DNAAF5: variants seen among roughly 807,000 people sequenced by gnomAD.
DNAAF5 encodes dynein axonemal assembly factor 5.
In DNAAF5, 64 loss-of-function variants were observed where a neutral mutation model predicts 75.8. That is an observed-to-expected ratio of 0.84 (90% CI 0.69 to 1.04). DNAAF5 has a LOEUF of 1.04. DNAAF5 is among the 50% of genes least tolerant of loss of function. The pLI, the probability that DNAAF5 is intolerant of heterozygous loss-of-function variation, is 0.00. For synonymous variants in DNAAF5, 657 were observed against 557.2 expected (o/e 1.18, Z -2.52); for missense variants, 1,269 against 1,178.5 (o/e 1.08, Z -1.12).
At chr7:767,245 A>G (rs1335624262) in intron 8 of DNAAF5, among the ~76,000 whole-genome samples, 1 of 150,344 alleles carries the variant, frequency 6.7e-6, no homozygotes, top group Non-Finnish European at 1.5e-5. Context: ...TCTCAAAAAA[A>G]AAAAAAAAAA....
chr7:735,578 T>A (rs1781718000), intron 2 of DNAAF5, among the ~76,000 whole-genome samples: 1 of 152,240 alleles, frequency 6.6e-6, no homozygotes, highest in Non-Finnish European at 1.5e-5. Context: ...ATGTCATTGC[T>A]CACAGTGTAG....
At chr7:751,535 T>C (rs1239567967) in intron 4 of DNAAF5, among the ~76,000 whole-genome samples, 3 of 150,476 alleles carry the variant, frequency 2.0e-5, no homozygotes, top group African/African-American at 4.9e-5. Context: ...TCCTGACATA[T>C]CATGGTTTCA....
chr7:763,576 G>A (rs757247657), intron 7 of DNAAF5, among the ~76,000 whole-genome samples: 3 of 152,210 alleles, frequency 2.0e-5, no homozygotes, highest in South Asian at 2.1e-4. Flanking sequence ...TTCATGATTC[G>A]CTGCAGAGAC....
chr7:768,945 C>T (rs964053460), intron 8 of DNAAF5: 5 of 571,732 alleles, frequency 8.7e-6, no homozygotes, highest in African/African-American at 3.7e-5. Context: ...GCCCAAGACT[C>T]GTGCTCTGGC....
chr7:784,764 C>T (rs1174556838), intron 12 of DNAAF5, among the ~76,000 whole-genome samples: 1 of 152,186 alleles, frequency 6.6e-6, no homozygotes, highest in Non-Finnish European at 1.5e-5. Flanking sequence ...ATAAGAAAGT[C>T]GCCTGTTTTT....
chr7:740,769 C>G (rs369995739), intron 2 of DNAAF5, 50 bp from the exon 3 acceptor site: 36 of 1,606,248 alleles, frequency 2.2e-5, no homozygotes, highest in Middle Eastern at 3.3e-4. Context: ...GCGTCAGCCC[C>G]GGCATCCCCT....
chr7:769,553 A>T (rs924430192), intron 8 of DNAAF5, among the ~76,000 whole-genome samples: 3 of 152,164 alleles, frequency 2.0e-5, no homozygotes, highest in Admixed American at 1.3e-4. Flanking sequence ...TGAGAAGCAG[A>T]TATTAAAGAA....
intron 12 of DNAAF5, among the ~76,000 whole-genome samples, chr7:784,659 C>T (rs984095120): frequency 6.6e-6 from 1 of 152,194 alleles, no homozygotes; most frequent in African/African-American, 2.4e-5. Flanking sequence ...ATGAACCCTC[C>T]GTAAGCATGG....
At chr7:751,837 G>A (rs1782305792) in intron 4 of DNAAF5, among the ~76,000 whole-genome samples, 1 of 152,116 alleles carries the variant, frequency 6.6e-6, no homozygotes, top group Non-Finnish European at 1.5e-5. Context: ...GCCTCGCAAA[G>A]TGCTGGGATT....
intron 4 of DNAAF5, among the ~76,000 whole-genome samples, chr7:747,309 G>A (rs780680023): frequency 4.3e-4 from 65 of 152,286 alleles, no homozygotes; most frequent in African/African-American, 1.4e-3. Flanking sequence ...TTAGTGTGTC[G>A]GTTGGTGTGC....
At chr7:752,749 C>G (rs1782347980) in intron 4 of DNAAF5, among the ~76,000 whole-genome samples, 1 of 152,260 alleles carries the variant, frequency 6.6e-6, no homozygotes, top group Admixed American at 6.5e-5. Flanking sequence ...ATGAACACTT[C>G]TGCTTTTTCA....
In DNAAF5 at chr7:775,278, G is replaced by A. The variant is rs969621182; in HGVS notation, c.2239+116G>A. On this transcript the variant is annotated intron_variant, in intron 11 of 12. Transcript: ENST00000297440. ...TCAGATCAAAACTATCTCGGGCTGG[G>A]TGTGGTGGTTCACACCTTTAATTCC... is the stretch of plus-strand genomic sequence containing the variant. 5.2e-6 allele frequency: 5 copies of A among 958,632 alleles called. No individual in the cohort carries two copies. The East Asian group carries it at 7.7e-5, about 15-fold the overall frequency. 59.4% of individuals were successfully genotyped at this position (958,632 alleles called of 1,614,324 possible).
At chr7:764,744 GT>G (rs1782768421) in intron 8 of DNAAF5, among the ~76,000 whole-genome samples, 1 of 152,058 alleles carries the variant, frequency 6.6e-6, no homozygotes, top group African/African-American at 2.4e-5. Context: ...ATTGTTCTTT[GT>G]CAGTTGCATT....
In DNAAF5 at chr7:754,579, T is replaced by C. The variant is rs1280224260; in HGVS notation, c.1025-10T>C. ...GAATTTCTCATTCTTCTTTCCCTTT[T>C]TCGTTCCAGAGCGCCGCCCTGTGCT... is the stretch of plus-strand genomic sequence containing the variant. On this transcript the variant is annotated splice_polypyrimidine_tract_variant and intron_variant, in intron 4 of 12. Coordinates refer to ENST00000297440, the MANE Select transcript of DNAAF5 (RefSeq NM_017802.4). This position sits in a 1 kb window ranked among gnomAD's most constrained non-coding sequence, Gnocchi z 4.8. The C allele has an allele frequency of 1.2e-6, 2 of 1,606,420 alleles. No individual in the cohort carries two copies. Among genetic ancestry groups the C allele is most frequent in the Admixed American group, 1.7e-5 (1 of 59,666 alleles).
chr7:742,283 C>T (rs1002872097), intron 4 of DNAAF5, among the ~76,000 whole-genome samples: 6 of 152,182 alleles, frequency 3.9e-5, no homozygotes, highest in Admixed American at 3.3e-4. Flanking sequence ...GTAGGTGAAG[C>T]GCAGCCCACA....
At chr7:782,604 A>T (rs1215573360) in intron 12 of DNAAF5, among the ~76,000 whole-genome samples, 17 of 142,394 alleles carry the variant, frequency 1.2e-4, no homozygotes, top group Admixed American at 1.1e-3. Flanking sequence ...GCGTCCCGTT[A>T]CGCAGCGTCA....
chr7:754,704 ACAGCTG>A lies in DNAAF5; in HGVS notation c.1142_1147del (p.Gln381_Leu382del). 1 of 1,613,918 alleles carries A rather than the reference ACAGCTG, an allele frequency of 6.2e-7. No homozygotes were observed. Among genetic ancestry groups the A allele is most frequent in the Middle Eastern group, 1.7e-4 (1 of 6,060 alleles). ...TGGTGGGGACCCGAGTGAAGTCGGC[ACAGCTG>A]CTCCCAGTGCTGCTGCTGCATGCCG... On this transcript the variant is annotated inframe_deletion, in exon 5 of 13. Coordinates refer to ENST00000297440, the MANE Select transcript of DNAAF5 (RefSeq NM_017802.4). The surrounding 1 kb of genome is among the most constrained non-coding windows in gnomAD (Gnocchi z 4.8).
At position 741,357 on chromosome 7, in the gene DNAAF5, G is replaced by T; in HGVS notation, c.916G>T (p.Ala306Ser). 1 of 1,588,502 alleles carries T rather than the reference G, an allele frequency of 6.3e-7. No homozygotes were observed. The highest frequency in any genetic ancestry group is 8.6e-7 in the Non-Finnish European group (1 of 1,168,810). The change falls in exon 4 of 13, where the codon GCC becomes TCC. Residue 306 changes from alanine to serine, a missense_variant. By Grantham distance (99) the Ala-to-Ser change is moderately conservative. Coordinates refer to ENST00000297440, the MANE Select transcript of DNAAF5 (RefSeq NM_017802.4). Reference sequence around the variant, plus strand: ...TCTGTTGTGCCTCAGGCAGCTGGCTGCCAGCCTCTGGGAGGACGTTGGCCT... The same window carrying T: ...TCTGTTGTGCCTCAGGCAGCTGGCTTCCAGCCTCTGGGAGGACGTTGGCCT... ...DEVPEVRQLA[A>S]SLWEDVGLQW...
intron 4 of DNAAF5, among the ~76,000 whole-genome samples, chr7:747,009 G>A (rs185756651): frequency 2.6e-5 from 4 of 152,208 alleles, no homozygotes; most frequent in East Asian, 1.9e-4. Flanking sequence ...GTTCCCTCCC[G>A]TGGATGGACC....
Sources: allele counts gnomAD v4.1 joint callset (sites outside exome capture counted in the v4.1 genomes callset), GRCh38; gene constraint gnomAD v4.1.1; non-coding constraint Gnocchi (gnomAD v3.1); transcripts MANE v1.5; gene names NCBI Gene and HGNC (gene_info 2026-07-23, HGNC 2026-07-21).